Variants in LINGO2 observed in about 807,000 individuals in gnomAD.
LINGO2 encodes the protein leucine rich repeat and Ig domain containing 2.
LINGO2 carries 14 observed loss-of-function variants against 30.6 expected under a neutral mutation model. The ratio of observed to expected loss-of-function variants is 0.46; its 90% confidence interval spans 0.30 to 0.72. The LOEUF is 0.72. LINGO2 is among the 30% of genes least tolerant of loss of function. The pLI is 0.07. For missense variants in LINGO2, 729 were observed against 751.7 expected, an observed-to-expected ratio of 0.97 and a Z score of 0.35; for synonymous variants, 317 against 288.5, an observed-to-expected ratio of 1.10 and a Z score of -1.00.
At chr9:29,051,723 A>G in the LINGO2 span, among the ~76,000 whole-genome samples, 1 of 152,140 alleles carries the variant, frequency 6.6e-6, no homozygotes, top group African/African-American at 2.4e-5. Flanking sequence ...TATTTCTCAT[A>G]TCTCAAACAT....
At chr9:28,572,278 A>C (rs1823733221) in intron 1 of LINGO2, among the ~76,000 whole-genome samples, 1 of 152,082 alleles carries the variant, frequency 6.6e-6, no homozygotes, top group African/African-American at 2.4e-5. Context: ...ATCTCTCTGG[A>C]CAGTACTTAT....
intron 4 of LINGO2, among the ~76,000 whole-genome samples, chr9:28,127,344 A>G (rs1452338): frequency 0.42 from 63,903 of 152,014 alleles, 15,031 homozygotes; most frequent in East Asian, 0.65. Flanking sequence ...TATACTGTTG[A>G]AGAGAGGCAG....
At chr9:28,927,545 A>G in the LINGO2 span, among the ~76,000 whole-genome samples, 6 of 152,184 alleles carry the variant, frequency 3.9e-5, no homozygotes, top group Non-Finnish European at 8.8e-5. Context: ...CTCTAAATCT[A>G]TTTCCTGAAC....
chr9:28,769,121 A>G, the LINGO2 span, among the ~76,000 whole-genome samples: 2 of 151,678 alleles, frequency 1.3e-5, no homozygotes, highest in African/African-American at 4.8e-5. Flanking sequence ...TCTCCCTCCC[A>G]TTTTTTAAGG....
chr9:28,036,138 A>T (rs1056363377), intron 4 of LINGO2, among the ~76,000 whole-genome samples: 1 of 152,106 alleles, frequency 6.6e-6, no homozygotes, highest in Non-Finnish European at 1.5e-5. Flanking sequence ...TAATTATATT[A>T]GAAGCCAAAC....
the LINGO2 span, among the ~76,000 whole-genome samples, chr9:28,809,115 C>A: frequency 6.6e-6 from 1 of 152,180 alleles, no homozygotes; most frequent in Non-Finnish European, 1.5e-5. Flanking sequence ...AACTAATAAT[C>A]TTTTTAAACA....
intron 4 of LINGO2, among the ~76,000 whole-genome samples, chr9:28,223,481 C>T (rs113945185): frequency 2.6e-5 from 4 of 152,214 alleles, no homozygotes; most frequent in African/African-American, 9.7e-5. Flanking sequence ...CAGAGTTACA[C>T]TGGCCATTAA....
chr9:29,140,699 T>A, the LINGO2 span, among the ~76,000 whole-genome samples: 1 of 151,602 alleles, frequency 6.6e-6, no homozygotes, highest in Non-Finnish European at 1.5e-5. Flanking sequence ...AGAATGAAAG[T>A]AAAGAAGATC....
At chr9:28,223,946 A>T (rs1821054803) in intron 4 of LINGO2, among the ~76,000 whole-genome samples, 1 of 152,236 alleles carries the variant, frequency 6.6e-6, no homozygotes, top group Non-Finnish European at 1.5e-5. Context: ...AGCAAAGATG[A>T]CAAGTAATTA....
At chr9:29,055,501 T>C in the LINGO2 span, among the ~76,000 whole-genome samples, 2 of 152,202 alleles carry the variant, frequency 1.3e-5, no homozygotes, top group Non-Finnish European at 2.9e-5. Flanking sequence ...TAAATAATGC[T>C]GTAATCAACA....
intron 1 of LINGO2, among the ~76,000 whole-genome samples, chr9:28,609,844 A>G (rs138943102): frequency 2.4e-4 from 36 of 152,148 alleles, no homozygotes; most frequent in Admixed American, 9.8e-4. Flanking sequence ...AAATTCTAAA[A>G]GTCCTTCAAT....
chr9:28,483,389 A>G (rs1826050773), intron 1 of LINGO2, among the ~76,000 whole-genome samples: 1 of 152,048 alleles, frequency 6.6e-6, no homozygotes. Context: ...TCAGCAAGAT[A>G]TTGGTGTGAC....
At chr9:29,157,724 T>C in the LINGO2 span, among the ~76,000 whole-genome samples, 1 of 152,174 alleles carries the variant, frequency 6.6e-6, no homozygotes, top group Non-Finnish European at 1.5e-5. Flanking sequence ...TTTGGCTCCA[T>C]GAAAACAATA....
At chr9:28,069,542 C>A (rs1825411489) in intron 4 of LINGO2, among the ~76,000 whole-genome samples, 1 of 152,176 alleles carries the variant, frequency 6.6e-6, no homozygotes, top group South Asian at 2.1e-4. Flanking sequence ...AGCCTAGAAA[C>A]TGCTTTGCAT....
the LINGO2 span, among the ~76,000 whole-genome samples, chr9:29,204,914 TATG>T: frequency 6.6e-6 from 1 of 152,330 alleles, no homozygotes; most frequent in Non-Finnish European, 1.5e-5. Flanking sequence ...CACCATTAAG[TATG>T]ATATTAGCTC....
At chr9:28,681,715 T>C in the LINGO2 span, among the ~76,000 whole-genome samples, 1 of 152,064 alleles carries the variant, frequency 6.6e-6, no homozygotes, top group East Asian at 1.9e-4. Context: ...TCAGAGTATT[T>C]TCCCAAACTG....
Position 28,127,949 on chromosome 9 carries a change from A to T in LINGO2, c.-86-115544T>A, listed in dbSNP as rs138246551. 4.8e-3 allele frequency among the ~76,000 whole-genome samples: 735 copies of T among 152,314 alleles called. 12 individuals carry two copies. Among genetic ancestry groups the T allele is most frequent in the African/African-American group, 0.016 (671 of 41,560 alleles). On this transcript the variant is annotated intron_variant, in intron 4 of 5. Coordinates refer to ENST00000379992, the Ensembl canonical transcript of LINGO2. ...TAAGAAAATGGAAATTCTTCAAAAT[A>T]CAAGAGAGGAAATTCAGTCATGCAG...
chr9:28,838,987 C>G, the LINGO2 span, among the ~76,000 whole-genome samples: 1 of 152,208 alleles, frequency 6.6e-6, no homozygotes, highest in Non-Finnish European at 1.5e-5. Flanking sequence ...GCAGCTGGAC[C>G]AGGCATATCG....
At chr9:28,737,895 G>A in the LINGO2 span, among the ~76,000 whole-genome samples, 94 of 152,120 alleles carry the variant, frequency 6.2e-4, no homozygotes, top group African/African-American at 2.2e-3. Context: ...ATGTATCCTC[G>A]AGGGGAAGTT....
Sources: allele counts gnomAD v4.1 joint callset (sites outside exome capture counted in the v4.1 genomes callset), GRCh38; gene constraint gnomAD v4.1.1; transcripts MANE v1.5; gene names NCBI Gene and HGNC (gene_info 2026-07-23, HGNC 2026-07-21).